The following ZNF519 variants were observed in gnomAD, a reference collection of about 807,000 sequenced individuals.
ZNF519 encodes similar to Zinc finger protein 85 (Zinc finger protein HPF4) (HTF1).
A neutral mutation model predicts 7.4 loss-of-function variants in ZNF519; 7 were observed. The observed-to-expected ratio is 0.94, with a 90% CI of 0.54 to 1.77. ZNF519 has a LOEUF of 1.77. ZNF519 is among the 40% of genes most tolerant of loss of function. ZNF519 has a pLI of 0.00. For synonymous variants in ZNF519, 179 were observed against 203.3 expected, an observed-to-expected ratio of 0.88 and a Z score of 1.02; for missense variants, 586 against 623.1, an observed-to-expected ratio of 0.94 and a Z score of 0.63.
intron 2 of ZNF519, among the ~76,000 whole-genome samples, chr18:14,108,625 A>G (rs539844535): frequency 6.6e-5 from 10 of 152,286 alleles, no homozygotes; most frequent in Non-Finnish European, 1.5e-4. Context: ...AAAAAAAAAA[A>G]AGACTGATTT....
chr18:14,130,038 C>T (rs2046322070), intron 1 of ZNF519, among the ~76,000 whole-genome samples: 2 of 151,964 alleles, frequency 1.3e-5, no homozygotes, highest in African/African-American at 4.8e-5. Context: ...TTTTGTTCTC[C>T]GAAATCAGCT....
intron 1 of ZNF519, 48 bp from the exon 2 acceptor site, chr18:14,124,524 T>C: frequency 6.3e-7 from 1 of 1,588,466 alleles, no homozygotes; most frequent in South Asian, 1.2e-5. Context: ...TGACTAGAGA[T>C]GAAATGAGTT....
Position 14,104,877 on chromosome 18 carries a change from A to C in ZNF519, c.*40T>G. 1.4e-6 allele frequency: 2 copies of C among 1,480,240 alleles called. No homozygotes were observed. Among genetic ancestry groups the C allele is most frequent in the Non-Finnish European group, 1.8e-6 (2 of 1,114,104 alleles). The allele number at this position is 1,480,240 out of a possible 1,614,324, so 91.7% of individuals were successfully genotyped here. A position where few individuals can be genotyped will look rare whatever the true frequency, so the allele number is the denominator to read the frequency against. On this transcript the variant is annotated 3_prime_UTR_variant, in exon 3 of 3. Coordinates refer to ENST00000590202, the MANE Select transcript of ZNF519 (RefSeq NM_145287.4). ...TAATGTTGAGTAAGGTGTGAGCACC[A>C]GTTTAGGGTTTTAGCACATTCTTTA... is the stretch of plus-strand genomic sequence containing the variant.
At chr18:14,086,628 C>T (rs144216788) in intron 2 of ZNF519, among the ~76,000 whole-genome samples, 34 of 152,264 alleles carry the variant, frequency 2.2e-4, no homozygotes, top group East Asian at 7.7e-4. Flanking sequence ...ACCTGGGGAC[C>T]GTAAACAGAA....
At chr18:14,132,212 A>G (rs1333548836) in intron 1 of ZNF519, 63 bp downstream of exon 1, 6 of 1,596,952 alleles carry the variant, frequency 3.8e-6, no homozygotes, top group Middle Eastern at 1.7e-4. Flanking sequence ...CGTCACCGCC[A>G]TGTCCAGCCG....
intron 2 of ZNF519, among the ~76,000 whole-genome samples, chr18:14,085,921 C>T (rs1485289393): frequency 3.9e-5 from 6 of 152,202 alleles, no homozygotes; most frequent in African/African-American, 1.2e-4. Context: ...CATCAGGCCA[C>T]GAGCAAACCT....
At chr18:14,092,603 C>A (rs2143100597) in intron 2 of ZNF519, among the ~76,000 whole-genome samples, 1 of 152,234 alleles carries the variant, frequency 6.6e-6, no homozygotes. Flanking sequence ...TCACAGAAAG[C>A]CTCGACAGTG....
chr18:14,105,974 A>G lies in ZNF519; in HGVS notation c.566T>C (p.Val189Ala). The G allele has an allele frequency of 6.3e-7, 1 of 1,594,760 alleles. No individual in the cohort carries two copies. The highest frequency in any genetic ancestry group is 8.6e-7 in the Non-Finnish European group (1 of 1,167,746). The change falls in exon 3 of 3, where the codon GTA becomes GCA. Residue 189 changes from valine to alanine, a missense_variant. By Grantham distance (64) the Val-to-Ala change is moderately conservative. Transcript: ENST00000590202. ...AATAAGCTTTGAGGATTGGTAAAATACTTTTTCACATTCATTACAATTGTA... is the reference window on the plus strand; with the variant it reads ...AATAAGCTTTGAGGATTGGTAAAATGCTTTTTCACATTCATTACAATTGTA... ...NYYNCNECEK[V>A]FYQSSKLIFP...
At chr18:14,130,920 C>T (rs1387737254) in intron 1 of ZNF519, among the ~76,000 whole-genome samples, 1 of 151,892 alleles carries the variant, frequency 6.6e-6, no homozygotes, top group Non-Finnish European at 1.5e-5. Context: ...ATATTTCTCT[C>T]ACCCCCAGGG....
At chr18:14,128,611 T>C (rs1225938384) in intron 1 of ZNF519, among the ~76,000 whole-genome samples, 1 of 151,838 alleles carries the variant, frequency 6.6e-6, no homozygotes, top group Non-Finnish European at 1.5e-5. Flanking sequence ...ACAGAAACTG[T>C]GGGAAAGGGT....
chr18:14,107,134 G>C (rs970196011), intron 2 of ZNF519, among the ~76,000 whole-genome samples: 1 of 152,104 alleles, frequency 6.6e-6, no homozygotes, highest in Non-Finnish European at 1.5e-5. Context: ...AGCTAAGAGA[G>C]TGCTTACACC....
chr18:14,097,064 C>T (rs536097631), downstream of ZNF519, among the ~76,000 whole-genome samples: 3 of 152,288 alleles, frequency 2.0e-5, no homozygotes, highest in South Asian at 2.1e-4. Context: ...CCTTCTCCAT[C>T]AAACCTTATG....
downstream of ZNF519, among the ~76,000 whole-genome samples, chr18:14,095,253 T>C (rs2046131278): frequency 1.3e-5 from 2 of 152,200 alleles, no homozygotes; most frequent in Admixed American, 1.3e-4. Flanking sequence ...AGAGGTTTTA[T>C]GTATGGTCAT....
chr18:14,122,862 G>A (rs533698722), intron 2 of ZNF519, among the ~76,000 whole-genome samples: 21 of 151,624 alleles, frequency 1.4e-4, no homozygotes, highest in Non-Finnish European at 1.6e-4. Flanking sequence ...CATGTGCCAT[G>A]TTGGTGTGCT....
intron 2 of ZNF519, among the ~76,000 whole-genome samples, chr18:14,115,117 G>A (rs1210770553): frequency 6.6e-6 from 1 of 152,210 alleles, no homozygotes; most frequent in African/African-American, 2.4e-5. Context: ...TTCAGTTGCT[G>A]TAGCTTTATC....
intron 2 of ZNF519, among the ~76,000 whole-genome samples, chr18:14,120,852 T>C (rs901227001): frequency 6.6e-6 from 1 of 152,048 alleles, no homozygotes; most frequent in Non-Finnish European, 1.5e-5. Context: ...TCCAGTAATA[T>C]CACTTCTAGG....
downstream of ZNF519, among the ~76,000 whole-genome samples, chr18:14,095,560 T>A (rs1441950219): frequency 6.6e-6 from 1 of 152,144 alleles, no homozygotes; most frequent in African/African-American, 2.4e-5. Context: ...GGCTCTAGGC[T>A]GCAGCAGTGC....
chr18:14,119,420 C>A (rs2046260295), intron 2 of ZNF519, among the ~76,000 whole-genome samples: 1 of 152,130 alleles, frequency 6.6e-6, no homozygotes, highest in Admixed American at 6.5e-5. Context: ...AATGCTTCTA[C>A]CTTAACATAT....
intron 3 of ZNF519, among the ~76,000 whole-genome samples, chr18:14,079,621 G>A (rs1268924775): frequency 6.6e-6 from 1 of 152,172 alleles, no homozygotes; most frequent in Non-Finnish European, 1.5e-5. Flanking sequence ...ATAGTCCACA[G>A]ATCTTTGACT....
Sources: allele counts gnomAD v4.1 joint callset (sites outside exome capture counted in the v4.1 genomes callset), GRCh38; gene constraint gnomAD v4.1.1; transcripts MANE v1.5; gene names NCBI Gene and HGNC (gene_info 2026-07-23, HGNC 2026-07-21).